The following TSTD2 variants were observed in gnomAD, a reference collection of about 807,000 sequenced individuals.
TSTD2 encodes the protein thiosulfate sulfurtransferase like domain containing 2, also known as thiosulfate sulfurtransferase/rhodanese-like domain-containing protein 2.
In TSTD2, 37 loss-of-function variants were observed where a neutral mutation model predicts 47.9. The observed-to-expected ratio is 0.77, with a 90% CI of 0.59 to 1.02. The LOEUF (loss-of-function observed/expected upper bound fraction) is 1.02, where lower values mean the gene tolerates loss of function less well. TSTD2 is among the 50% of genes least tolerant of loss of function. The pLI, the probability that TSTD2 is intolerant of heterozygous loss-of-function variation, is 0.00. For missense variants in TSTD2, 586 were observed against 616.0 expected (o/e 0.95, Z 0.52); for synonymous variants, 201 against 215.9 (o/e 0.93, Z 0.61).
intron 1 of TSTD2, among the ~76,000 whole-genome samples, chr9:97,631,122 A>G (rs1005546949): frequency 1.3e-5 from 2 of 152,112 alleles, no homozygotes; most frequent in Admixed American, 1.3e-4. Flanking sequence ...ACTTGTTCAG[A>G]AAATACTTTT....
rs201686555 is a variant in TSTD2, at chr9:97,617,793, C to G, written c.567G>C (p.Gln189His). ...GGTGCAGGTGCTGACACAGAGCTGT[C>G]TGCCAGGCACAGATCCATTGGGGAT... is the stretch of plus-strand genomic sequence containing the variant. ...LEDPQWICAW[Q>H]TALCQHLHLT... The change falls in exon 4 of 10, where the codon CAG becomes CAC. Residue 189 changes from glutamine (Q) to histidine (H), a missense_variant. Gln to His is a conservative substitution (Grantham distance 24, BLOSUM62 0). Transcript: ENST00000341170. 71 of 1,613,966 alleles carry G rather than the reference C, an allele frequency of 4.4e-5. No individual in the cohort carries two copies. Among genetic ancestry groups the G allele is most frequent in the Non-Finnish European group, 5.8e-5 (68 of 1,180,002 alleles).
At chr9:97,629,225 C>T (rs1826770639) in intron 1 of TSTD2, among the ~76,000 whole-genome samples, 1 of 152,190 alleles carries the variant, frequency 6.6e-6, no homozygotes, top group South Asian at 2.1e-4. Flanking sequence ...CTACAGGGTA[C>T]CTCAACCAGG....
intron 5 of TSTD2, 117 bp downstream of exon 5, chr9:97,611,457 G>C: frequency 8.2e-7 from 1 of 1,222,654 alleles, no homozygotes. Flanking sequence ...AAAAAATAAA[G>C]GGGAAAGGGT....
chr9:97,622,804 G>A (rs984573575), intron 3 of TSTD2, among the ~76,000 whole-genome samples: 14 of 152,340 alleles, frequency 9.2e-5, no homozygotes, highest in Non-Finnish European at 1.5e-4. Flanking sequence ...TGGGGCCTGT[G>A]GCCCCTTTGT....
chr9:97,615,197 C>A (rs1428043422), intron 4 of TSTD2, among the ~76,000 whole-genome samples: 7 of 152,254 alleles, frequency 4.6e-5, no homozygotes, highest in Non-Finnish European at 1.0e-4. Flanking sequence ...GATTCTCTAA[C>A]AGAAATCCTT....
In TSTD2 at chr9:97,604,944, C is replaced by T. The variant is rs942059520; in HGVS notation, c.1114-79G>A. The T allele has an allele frequency of 3.0e-4, 465 of 1,569,252 alleles. 5 individuals carry two copies. Among genetic ancestry groups the T allele is most frequent in the Middle Eastern group, 2.2e-4 (1 of 4,480 alleles). On this transcript the variant is annotated intron_variant, in intron 8 of 9. Transcript: ENST00000341170. ...ATGCTCACGGAAGAACGGCGCATGGCGAGGAGTGCTGACGTAGAGGACTCA... is the reference window on the plus strand; with the variant it reads ...ATGCTCACGGAAGAACGGCGCATGGTGAGGAGTGCTGACGTAGAGGACTCA...
At chr9:97,610,867 T>C (rs1385354901) in intron 5 of TSTD2, 1 of 153,184 alleles carries the variant, frequency 6.5e-6, no homozygotes, top group Non-Finnish European at 1.5e-5. Flanking sequence ...AACAACTTTA[T>C]TCCCCCATGT....
chr9:97,606,297 G>C (rs1408992271), intron 6 of TSTD2, 36 bp from the exon 7 acceptor site: 1 of 1,425,732 alleles, frequency 7.0e-7, no homozygotes, highest in Non-Finnish European at 9.6e-7. Context: ...TTAAAACAAA[G>C]ACAAAAAAAC....
At position 97,600,241 on chromosome 9, in the gene TSTD2, CAG is replaced by C. The variant is rs920026595; in HGVS notation, c.*2226_*2227del. 3.0e-6 allele frequency: 3 copies of C among 988,348 alleles called. No homozygotes were observed. The highest frequency in any genetic ancestry group is 3.5e-5 in the African/African-American group (2 of 57,234). The allele number at this position is 988,348 out of a possible 1,614,324, so 61.2% of individuals were successfully genotyped here. The stretch of plus-strand genomic sequence containing the variant: ...CCAGAACACAATTTTCCCCTCAGAA[CAG>C]ATAGACAGACTGAAGCCACTGAACT... On this transcript the variant is annotated 3_prime_UTR_variant, in exon 10 of 10. Coordinates refer to ENST00000341170, the MANE Select transcript of TSTD2 (RefSeq NM_139246.5).
rs544926864 is a variant in TSTD2 at position 97,625,881 on chromosome 9, T to C, written c.282A>G (p.Arg94=). The change falls in exon 3 of 10, where the codon AGA becomes AGG. Residue 94 remains arginine, a synonymous_variant. Transcript: ENST00000341170. ...QLFTDQTSIH[R]HVATQHADEI... ...CATCAGCATGTTGTGTTGCCACATG[T>C]CTATGGATGCTGGTTTGGTCTGTGA... The C allele has an allele frequency of 1.4e-5, 22 of 1,614,178 alleles. No individual in the cohort carries two copies. In the South Asian group the frequency reaches 2.4e-4, roughly 18 times the overall value.
Position 97,627,539 on chromosome 9 carries a change from GTC to G in TSTD2, c.22_23del (p.Asp8ProfsTer4), listed in dbSNP as rs762770967. On this transcript the variant is annotated frameshift_variant, in exon 2 of 10. Transcript: ENST00000341170. LOFTEE classifies it high-confidence loss of function. ...TGCAGTTCTCCAGGTCATCTCCTTGGTCTGGTGAAGTGGAAGAAGGCATCTGG... is the reference window on the plus strand; with the variant it reads ...TGCAGTTCTCCAGGTCATCTCCTTGGTGGTGAAGTGGAAGAAGGCATCTGG... MPSSTSP[D>X]QGDDLENCIL... 61 of 1,609,882 alleles carry G rather than the reference GTC, an allele frequency of 3.8e-5. No homozygotes were observed. The African/African-American group carries it at 6.5e-4, about 17-fold the overall frequency.
rs1826232856 is a variant in TSTD2, at chr9:97,600,501, C to T, written c.*1968G>A. The T allele has an allele frequency of 1.0e-6, 1 of 985,460 alleles. No individual in the cohort carries two copies. The highest frequency in any genetic ancestry group is 6.1e-5 in the Admixed American group (1 of 16,278). The allele number at this position is 985,460 out of a possible 1,614,324, so 61.0% of individuals were successfully genotyped here. ...TTATGATGGATGTGAAAATCTACGG[C>T]CAAATACTTTTGAAAACACCTTTCT... On this transcript the variant is annotated 3_prime_UTR_variant, in exon 10 of 10. Coordinates refer to ENST00000341170, the MANE Select transcript of TSTD2 (RefSeq NM_139246.5).
rs3750368 is a variant in TSTD2 at position 97,617,811 on chromosome 9, T to C, written c.549A>G (p.Gln183=). 8.5e-3 allele frequency: 13,719 copies of C among 1,614,068 alleles called. 816 individuals are homozygous for C. In the Admixed American group the frequency reaches 0.11, roughly 13 times the overall value. The part of the protein sequence containing the change: ...YYCYHDLEDP[Q]WICAWQTALC... Reference sequence around the variant, plus strand: ...GAGCTGTCTGCCAGGCACAGATCCATTGGGGATCCTCCAGGTCATGGTAGC... The same window carrying C: ...GAGCTGTCTGCCAGGCACAGATCCACTGGGGATCCTCCAGGTCATGGTAGC... The change falls in exon 4 of 10, where the codon CAA becomes CAG. Residue 183 remains glutamine, a synonymous_variant. Coordinates refer to ENST00000341170, the MANE Select transcript of TSTD2 (RefSeq NM_139246.5).
chr9:97,626,814 A>G (rs1401245270), intron 2 of TSTD2, among the ~76,000 whole-genome samples: 1 of 152,218 alleles, frequency 6.6e-6, no homozygotes, highest in East Asian at 1.9e-4. Context: ...TCTAACCAGA[A>G]AAGCATGTGG....
chr9:97,629,036 T>C (rs1353073797), intron 1 of TSTD2, among the ~76,000 whole-genome samples: 3 of 152,206 alleles, frequency 2.0e-5, no homozygotes, highest in African/African-American at 7.2e-5. Context: ...CTGGCAAAGT[T>C]AGTTTCTTCA....
At chr9:97,632,875 A>G (rs919129611) in intron 1 of TSTD2, among the ~76,000 whole-genome samples, 1 of 152,216 alleles carries the variant, frequency 6.6e-6, no homozygotes, top group African/African-American at 2.4e-5. Context: ...CCGAAGGAGA[A>G]TTAGGCCGGG....
Position 97,626,004 on chromosome 9 carries a change from T to C in TSTD2, c.166-7A>G, listed in dbSNP as rs1197824898. On this transcript the variant is annotated splice_polypyrimidine_tract_variant and splice_region_variant and intron_variant, in intron 2 of 9. Coordinates refer to ENST00000341170, the MANE Select transcript of TSTD2 (RefSeq NM_139246.5). ...TGACAAAAAGGGCAAAGGCCTGCAA[T>C]TAGATTTCAAATGCTAACACTGTTA... The C allele has an allele frequency of 1.9e-6, 3 of 1,602,390 alleles. No individual in the cohort carries two copies. Among genetic ancestry groups the C allele is most frequent in the Non-Finnish European group, 1.7e-6 (2 of 1,175,706 alleles).
chr9:97,627,703 CAAAG>C, intron 1 of TSTD2, 91 bp from the exon 2 acceptor site: 1 of 760,780 alleles, frequency 1.3e-6, no homozygotes, highest in South Asian at 2.1e-5. Context: ...TCAGCATGGG[CAAAG>C]TAGCCCAAGC....
chr9:97,631,748 G>C (rs1359523891), intron 1 of TSTD2, among the ~76,000 whole-genome samples: 1 of 152,004 alleles, frequency 6.6e-6, no homozygotes, highest in Admixed American at 6.6e-5. Flanking sequence ...GGTGGCTAAG[G>C]CACAAGAATT....
Sources: allele counts gnomAD v4.1 joint callset (sites outside exome capture counted in the v4.1 genomes callset), GRCh38; gene constraint gnomAD v4.1.1; transcripts MANE v1.5; gene names NCBI Gene and HGNC (gene_info 2026-07-23, HGNC 2026-07-21).